UQCC1: variants seen among roughly 807,000 people sequenced by gnomAD.
The protein encoded by UQCC1 is ubiquinol-cytochrome c reductase complex assembly factor 1.
A neutral mutation model predicts 48.0 loss-of-function variants in UQCC1; 38 were observed. The observed-to-expected ratio is 0.79, with a 90% CI of 0.61 to 1.04. The LOEUF is 1.04. Ranked by LOEUF, UQCC1 falls within the 50% of genes least tolerant of loss-of-function variation. UQCC1 has a pLI of 0.00. For synonymous variants in UQCC1, 111 were observed against 129.2 expected (o/e 0.86, Z 0.95); for missense variants, 368 against 381.8 (o/e 0.96, Z 0.30).
At chr20:35,339,251 T>C (rs1298282502) in intron 7 of UQCC1, among the ~76,000 whole-genome samples, 1 of 152,130 alleles carries the variant, frequency 6.6e-6, no homozygotes, top group African/African-American at 2.4e-5. Context: ...GTGACTACGG[T>C]AGGCATGTGG....
At chr20:35,305,840 G>T (rs2060922720) in intron 9 of UQCC1, among the ~76,000 whole-genome samples, 1 of 152,214 alleles carries the variant, frequency 6.6e-6, no homozygotes, top group Admixed American at 6.5e-5. Context: ...TGAAGCAAAG[G>T]TGTGACTCAT....
intron 7 of UQCC1, among the ~76,000 whole-genome samples, chr20:35,342,074 C>T (rs1231829994): frequency 2.0e-5 from 3 of 152,072 alleles, no homozygotes; most frequent in Non-Finnish European, 2.9e-5. Context: ...TTTCCTAGGC[C>T]CTCTGCATCA....
intron 6 of UQCC1, among the ~76,000 whole-genome samples, chr20:35,357,671 C>CAAAA (rs386365644): frequency 9.7e-6 from 1 of 103,394 alleles, no homozygotes; most frequent in African/African-American, 4.1e-5. Flanking sequence ...GACCTTGTCT[C>CAAAA]AAAAAAAAAA....
chr20:35,410,878 T>C (rs974881843), intron 1 of UQCC1, among the ~76,000 whole-genome samples: 9 of 151,484 alleles, frequency 5.9e-5, no homozygotes, highest in African/African-American at 1.9e-4. Flanking sequence ...CAGGTGAATC[T>C]TTCTGGCAGT....
intron 2 of UQCC1, among the ~76,000 whole-genome samples, chr20:35,392,439 C>G (rs1157143562): frequency 6.6e-6 from 1 of 152,084 alleles, no homozygotes; most frequent in African/African-American, 2.4e-5. Context: ...TAATACAGTA[C>G]CCGGTACTTA....
At position 35,303,718 on chromosome 20, in the gene UQCC1, C is replaced by A; in HGVS notation, c.*217G>T. On this transcript the variant is annotated 3_prime_UTR_variant, in exon 10 of 10. Coordinates refer to ENST00000374385, the MANE Select transcript of UQCC1 (RefSeq NM_018244.5). Reference sequence around the variant, plus strand: ...GGGGCTTCCCCTAAGGGAGAGGACACCCCGGGAGAGCTAGGGGTTCTCCCA... The same window carrying A: ...GGGGCTTCCCCTAAGGGAGAGGACAACCCGGGAGAGCTAGGGGTTCTCCCA... 1 of 620,262 alleles carries A rather than the reference C, an allele frequency of 1.6e-6. No individual in the cohort carries two copies. The highest frequency in any genetic ancestry group is 2.0e-5 in the South Asian group (1 of 50,448). The allele number at this position is 620,262 out of a possible 1,614,324, so 38.4% of individuals were successfully genotyped here.
chr20:35,333,798 C>T (rs1480044146), intron 7 of UQCC1, among the ~76,000 whole-genome samples: 2 of 151,592 alleles, frequency 1.3e-5, no homozygotes, highest in African/African-American at 4.8e-5. Flanking sequence ...ACTGTGAAAA[C>T]TCTTGGCTGC....
chr20:35,365,412 T>C (rs2061654743), intron 6 of UQCC1, among the ~76,000 whole-genome samples: 1 of 152,028 alleles, frequency 6.6e-6, no homozygotes, highest in African/African-American at 2.4e-5. Flanking sequence ...CTCAGCACTT[T>C]GGGAAGCCGA....
rs548062004 is a variant in UQCC1 at position 35,384,571 on chromosome 20, G to A, written c.130-438C>T. ...GTGGGAGGATCACTTGAGCCCAGAAGATCGAGGCTGCAGGGAGCTATCATC... is the reference window on the plus strand; with the variant it reads ...GTGGGAGGATCACTTGAGCCCAGAAAATCGAGGCTGCAGGGAGCTATCATC... On this transcript the variant is annotated intron_variant, in intron 2 of 9. Transcript: ENST00000374385. 3.0e-4 allele frequency: 131 copies of A among 439,518 alleles called. 1 individual carries two copies. The highest frequency in any genetic ancestry group is 2.5e-3 in the African/African-American group (121 of 48,448). The allele number at this position is 439,518 out of a possible 1,614,324, so 27.2% of individuals were successfully genotyped here. A position where few individuals can be genotyped will look rare whatever the true frequency, so the allele number is the denominator to read the frequency against.
intron 6 of UQCC1, among the ~76,000 whole-genome samples, chr20:35,365,321 C>T (rs939205101): frequency 1.3e-5 from 2 of 152,126 alleles, no homozygotes. Context: ...CCACAAAGTG[C>T]CCAGGATATG....
intron 7 of UQCC1, among the ~76,000 whole-genome samples, chr20:35,327,179 G>C (rs561542190): frequency 9.2e-5 from 14 of 152,254 alleles, no homozygotes; most frequent in African/African-American, 3.4e-4. Context: ...AAAGGGGCGG[G>C]GTCACCCTAA....
intron 4 of UQCC1, among the ~76,000 whole-genome samples, chr20:35,380,697 G>C (rs928122792): frequency 6.6e-6 from 1 of 152,160 alleles, no homozygotes; most frequent in African/African-American, 2.4e-5. Context: ...ACTTATGACT[G>C]ATTAGGCTTA....
In UQCC1 at chr20:35,317,845, C is replaced by T. The variant is rs926256805; in HGVS notation, c.574-3080G>A. ...ATTTTCTTCTTCTTCGCCTTTCTTT[C>T]CCCCTGTTGAATACCTTCTGTGTTT... On this transcript the variant is annotated intron_variant, in intron 7 of 9. Transcript: ENST00000374385. Among the ~76,000 whole-genome samples the T allele has an allele frequency of 2.0e-5, 3 of 152,316 alleles. No homozygotes were observed. In the East Asian group the frequency reaches 5.8e-4, roughly 29 times the overall value.
chr20:35,404,687 G>GAAAAAA (rs1266831168), intron 1 of UQCC1, among the ~76,000 whole-genome samples: 1 of 99,376 alleles, frequency 1.0e-5, no homozygotes. Context: ...GCTTGACTCT[G>GAAAAAA]AAAAAAAAAA....
intron 6 of UQCC1, among the ~76,000 whole-genome samples, chr20:35,358,840 G>T (rs995535228): frequency 1.3e-5 from 2 of 152,280 alleles, no homozygotes; most frequent in Admixed American, 1.3e-4. Context: ...GATTACAGGC[G>T]TGAGCCACCG....
At chr20:35,361,840 A>G (rs1216256329) in intron 6 of UQCC1, among the ~76,000 whole-genome samples, 2 of 152,356 alleles carry the variant, frequency 1.3e-5, no homozygotes, top group Non-Finnish European at 1.5e-5. Flanking sequence ...TAAAACACCT[A>G]GTAGTAATTG....
chr20:35,358,283 G>A (rs1045802984), intron 6 of UQCC1, among the ~76,000 whole-genome samples: 14 of 149,724 alleles, frequency 9.4e-5, no homozygotes, highest in African/African-American at 2.7e-4. Flanking sequence ...GAACTTGGGA[G>A]GCAGAGGTAG....
intron 8 of UQCC1, among the ~76,000 whole-genome samples, chr20:35,312,253 C>A (rs1381652595): frequency 6.6e-6 from 1 of 152,124 alleles, no homozygotes; most frequent in African/African-American, 2.4e-5. Flanking sequence ...CAACCCATAA[C>A]CCCCGAAAGC....
intron 6 of UQCC1, among the ~76,000 whole-genome samples, chr20:35,354,831 G>T (rs1364622297): frequency 1.3e-5 from 2 of 152,164 alleles, no homozygotes; most frequent in African/African-American, 4.8e-5. Context: ...GTAACTGTAA[G>T]CTTAACAACT....
Sources: gnomAD v4.1 joint callset for allele counts (sites outside exome capture counted in the v4.1 genomes callset) on GRCh38, gnomAD v4.1.1 for gene constraint, MANE v1.5 for transcripts, NCBI Gene and HGNC (gene_info 2026-07-23, HGNC 2026-07-21) for gene names.